Variants in NCLN observed in about 807,000 individuals in gnomAD.
The protein encoded by NCLN is BOS complex subunit NCLN.
NCLN carries 34 observed loss-of-function variants against 69.5 expected under a neutral mutation model. That is an observed-to-expected ratio of 0.49 (90% CI 0.37 to 0.65). NCLN has a LOEUF of 0.65. Ranked by LOEUF, NCLN falls within the 30% of genes least tolerant of loss-of-function variation. NCLN has a pLI of 0.00. For missense variants in NCLN, 710 were observed against 804.8 expected, an observed-to-expected ratio of 0.88 and a Z score of 1.42; for synonymous variants, 393 against 358.3, an observed-to-expected ratio of 1.10 and a Z score of -1.09.
At position 3,205,822 on chromosome 19, in the gene NCLN, T is replaced by A; in HGVS notation, c.1209-117T>A. On this transcript the variant is annotated intron_variant, in intron 9 of 14. Transcript: ENST00000246117. The surrounding 1 kb of genome is among the most constrained non-coding windows in gnomAD (Gnocchi z 4.6). ...TTAAAGCTAAGCTTAATTTTTTTTT[T>A]TTTTTAAAGACAGAGTCTCACGGTC... 1 of 939,992 alleles carries A rather than the reference T, an allele frequency of 1.1e-6. No homozygotes were observed. 58.2% of individuals were successfully genotyped at this position (939,992 alleles called of 1,614,324 possible).
chr19:3,189,993 C>G (rs1329940175), intron 1 of NCLN, among the ~76,000 whole-genome samples: 1 of 152,232 alleles, frequency 6.6e-6, no homozygotes, highest in African/African-American at 2.4e-5. Context: ...CTTCCCTTCT[C>G]CCTCCTCGCT....
rs1915653877 is a variant in NCLN, at chr19:3,185,963, C to G, written c.-68C>G. 7.7e-7 allele frequency: 1 copy of G among 1,306,422 alleles called. No homozygotes were observed. The highest frequency in any genetic ancestry group is 1.6e-5 in the African/African-American group (1 of 63,434). 80.9% of individuals were successfully genotyped at this position (1,306,422 alleles called of 1,614,324 possible). A position where few individuals can be genotyped will look rare whatever the true frequency, so the allele number is the denominator to read the frequency against. ...GGCGGCTACCCATGCCGAGGTGAGTCCGCGGGAGCCGCCGCCGCCGCCGTC... is the reference window on the plus strand; with the variant it reads ...GGCGGCTACCCATGCCGAGGTGAGTGCGCGGGAGCCGCCGCCGCCGCCGTC... On this transcript the variant is annotated 5_prime_UTR_variant, in exon 1 of 15. Transcript: ENST00000246117.
chr19:3,189,918 G>A (rs1220749413), intron 1 of NCLN, among the ~76,000 whole-genome samples: 1 of 152,236 alleles, frequency 6.6e-6, no homozygotes, highest in Non-Finnish European at 1.5e-5. Context: ...GGAATGGGAG[G>A]CCGTGGCCTT....
At chr19:3,199,033 C>T (rs1916053016) in intron 5 of NCLN, 136 bp downstream of exon 5, 2 of 559,242 alleles carry the variant, frequency 3.6e-6, no homozygotes, top group East Asian at 3.5e-5. Context: ...TGCCCGTCAT[C>T]CTGGTCCCCG....
chr19:3,207,864 G>C lies in NCLN; in HGVS notation c.*176G>C, dbSNP rs369869443. On this transcript the variant is annotated 3_prime_UTR_variant, in exon 15 of 15. Coordinates refer to ENST00000246117, the MANE Select transcript of NCLN (RefSeq NM_020170.4). Reference sequence around the variant, plus strand: ...TTTTTCTGTTGCTCTCCGAGACTGGGGGGGGATTGTTTCTTCTTTTCCTTG... The same window carrying C: ...TTTTTCTGTTGCTCTCCGAGACTGGCGGGGGATTGTTTCTTCTTTTCCTTG... 229 of 597,740 alleles carry C rather than the reference G, an allele frequency of 3.8e-4. 1 individual carries two copies. In the African/African-American group the frequency reaches 3.8e-3, roughly 10 times the overall value. 37.0% of individuals were successfully genotyped at this position (597,740 alleles called of 1,614,324 possible). A position where few individuals can be genotyped will look rare whatever the true frequency, so the allele number is the denominator to read the frequency against.
intron 1 of NCLN, among the ~76,000 whole-genome samples, chr19:3,188,055 C>G (rs1488709427): frequency 1.3e-5 from 2 of 152,096 alleles, no homozygotes; most frequent in South Asian, 4.1e-4. Context: ...GCCACGCGTG[C>G]CTGCGGCTCT....
chr19:3,201,052 G>A (rs571464557), intron 5 of NCLN, among the ~76,000 whole-genome samples: 17 of 152,338 alleles, frequency 1.1e-4, no homozygotes, highest in South Asian at 2.1e-4. Flanking sequence ...ATCCAAGGGC[G>A]GGAAGGGCAT....
At position 3,207,729 on chromosome 19, in the gene NCLN, T is replaced by TC; in HGVS notation, c.*44dup. On this transcript the variant is annotated 3_prime_UTR_variant, in exon 15 of 15. Coordinates refer to ENST00000246117, the MANE Select transcript of NCLN (RefSeq NM_020170.4). ...AGCCGGAGCCCCCGCCGCTCCACAG[T>TC]CCCTGGGGCCGAGCACGAGTGAGTG... The TC allele has an allele frequency of 6.4e-7, 1 of 1,566,186 alleles. No individual in the cohort carries two copies. Among genetic ancestry groups the TC allele is most frequent in the African/African-American group, 1.4e-5 (1 of 73,992 alleles).
intron 14 of NCLN, 27 bp downstream of exon 14, chr19:3,207,496 G>A: frequency 1.2e-6 from 2 of 1,611,274 alleles, no homozygotes; most frequent in Non-Finnish European, 1.7e-6. Flanking sequence ...CTCAGGTGGG[G>A]CAGGGGCCGC....
chr19:3,192,531 C>T lies in NCLN; in HGVS notation c.246C>T (p.Arg82=), dbSNP rs746000079. Residue 82 remains arginine, a synonymous_variant, in exon 2 of 15, where the codon CGC becomes CGT. Coordinates refer to ENST00000246117, the MANE Select transcript of NCLN (RefSeq NM_020170.4). ...ARTMAAEVLS[R]RCVLMRLLDF... is the part of the protein sequence containing the mutation. ...CGATGGCGGCGGAGGTGCTGAGCCG[C>T]CGCTGCGTGCTCATGCGGCTACTGG... is the stretch of plus-strand genomic sequence containing the variant. 1.2e-6 allele frequency: 2 copies of T among 1,609,386 alleles called. No homozygotes were observed. The highest frequency in any genetic ancestry group is 1.3e-5 in the African/African-American group (1 of 74,722).
chr19:3,199,122 G>A (rs866440692), intron 5 of NCLN, among the ~76,000 whole-genome samples: 60 of 152,206 alleles, frequency 3.9e-4, no homozygotes, highest in African/African-American at 1.4e-3. Context: ...AGGGCACGGC[G>A]GTGTCTGTGT....
Position 3,205,702 on chromosome 19 carries a change from G to T in NCLN, c.1209-237G>T. 1 of 536,874 alleles carries T rather than the reference G, an allele frequency of 1.9e-6. No homozygotes were observed. The highest frequency in any genetic ancestry group is 3.3e-6 in the Non-Finnish European group (1 of 302,712). The allele number at this position is 536,874 out of a possible 1,614,324, so 33.3% of individuals were successfully genotyped here. On this transcript the variant is annotated intron_variant, in intron 9 of 14. Coordinates refer to ENST00000246117, the MANE Select transcript of NCLN (RefSeq NM_020170.4). This position sits in a 1 kb window ranked among gnomAD's most constrained non-coding sequence, Gnocchi z 4.6. ...AGTCAGAAGGAACCAAGGCCTCAGG[G>T]CGTGAGCCTTACCTGCGCACAGGGA... is the stretch of plus-strand genomic sequence containing the variant.
At chr19:3,195,022 A>T (rs986781168) in intron 3 of NCLN, among the ~76,000 whole-genome samples, 13 of 151,900 alleles carry the variant, frequency 8.6e-5, no homozygotes, top group Non-Finnish European at 1.3e-4. Flanking sequence ...CAGAAAATTT[A>T]AAAAAGCCAG....
chr19:3,198,175 G>A (rs540496166), intron 4 of NCLN, among the ~76,000 whole-genome samples: 2 of 152,042 alleles, frequency 1.3e-5, no homozygotes, highest in African/African-American at 2.4e-5. Context: ...CCCACAAACA[G>A]TTATCCTCCT....
At position 3,198,898 on chromosome 19, in the gene NCLN, G is replaced by A. The variant is rs887172105; in HGVS notation, c.696+1G>A. The A allele has an allele frequency of 3.4e-6, 5 of 1,478,590 alleles. No individual in the cohort carries two copies. The highest frequency in any genetic ancestry group is 3.6e-6 in the Non-Finnish European group (4 of 1,107,868). 91.6% of individuals were successfully genotyped at this position (1,478,590 alleles called of 1,614,324 possible). A position where few individuals can be genotyped will look rare whatever the true frequency, so the allele number is the denominator to read the frequency against. ...CTACGACGCCTTTGGAGTGGCCCCC[G>A]TACGTATGTGTGTCCCCATTCCCCC... On this transcript the variant is annotated splice_donor_variant, in intron 5 of 14. Coordinates refer to ENST00000246117, the MANE Select transcript of NCLN (RefSeq NM_020170.4). LOFTEE classifies it high-confidence loss of function.
At chr19:3,204,227 G>C in intron 8 of NCLN, 83 bp downstream of exon 8, 3 of 1,414,206 alleles carry the variant, frequency 2.1e-6, no homozygotes, top group Non-Finnish European at 2.8e-6. Flanking sequence ...GTCCCAGGGT[G>C]TCCTTGCTGT....
At chr19:3,194,107 A>T (rs1030202905) in intron 3 of NCLN, among the ~76,000 whole-genome samples, 2 of 152,200 alleles carry the variant, frequency 1.3e-5, no homozygotes, top group Admixed American at 6.5e-5. Flanking sequence ...CAACAAAAAC[A>T]GTTTGGTGCT....
Position 3,209,016 on chromosome 19 carries a change from TG to T in NCLN, c.*1331del, listed in dbSNP as rs1485523846. On this transcript the variant is annotated 3_prime_UTR_variant, in exon 15 of 15. Transcript: ENST00000246117. Reference sequence around the variant, plus strand: ...GGCTTGGTGGGGAAGGGACTTGAGCTGGGCAAGTCCTGGCCTGGCACCCGCA... The same window carrying T: ...GGCTTGGTGGGGAAGGGACTTGAGCTGGCAAGTCCTGGCCTGGCACCCGCA... The T allele has an allele frequency of 6.6e-6, 1 of 152,302 alleles. No individual in the cohort carries two copies. The highest frequency in any genetic ancestry group is 1.5e-5 in the Non-Finnish European group (1 of 68,160). 9.4% of individuals were successfully genotyped at this position (152,302 alleles called of 1,614,324 possible).
At position 3,208,004 on chromosome 19, in the gene NCLN, A is replaced by G. The variant is rs1165115631; in HGVS notation, c.*316A>G. On this transcript the variant is annotated 3_prime_UTR_variant, in exon 15 of 15. Coordinates refer to ENST00000246117, the MANE Select transcript of NCLN (RefSeq NM_020170.4). ...CGCCCTCGGTCTGGTGTAAGCACAC[A>G]TGCACGATTAAAGAGGAGACGCCGG... The G allele has an allele frequency of 1.0e-5, 4 of 383,840 alleles. No individual in the cohort carries two copies. The Admixed American group carries it at 1.2e-4, about 12-fold the overall frequency. 23.8% of individuals were successfully genotyped at this position (383,840 alleles called of 1,614,324 possible). A position where few individuals can be genotyped will look rare whatever the true frequency, so the allele number is the denominator to read the frequency against.
Sources: gnomAD v4.1 joint callset for allele counts (sites outside exome capture counted in the v4.1 genomes callset) on GRCh38, gnomAD v4.1.1 for gene constraint, Gnocchi (gnomAD v3.1) non-coding constraint, MANE v1.5 for transcripts, NCBI Gene and HGNC (gene_info 2026-07-23, HGNC 2026-07-21) for gene names.